The following SLIT3 variants were observed in gnomAD, a reference collection of about 807,000 sequenced individuals.
SLIT3 encodes the protein slit homolog 3 protein.
In SLIT3, 68 loss-of-function variants were observed where a neutral mutation model predicts 184.0. The observed-to-expected ratio is 0.37, with a 90% CI of 0.30 to 0.45. The LOEUF (loss-of-function observed/expected upper bound fraction) is 0.45, where lower values mean the gene tolerates loss of function less well. Among genes scored for constraint, SLIT3 ranks in the 20% least tolerant of loss-of-function variants. The pLI is 1.00. For missense variants in SLIT3, 1,707 were observed against 2,026.0 expected, an observed-to-expected ratio of 0.84 and a Z score of 3.02; for synonymous variants, 831 against 828.6, an observed-to-expected ratio of 1.00 and a Z score of -0.05.
chr5:169,129,826 T>TTTG (rs1554100668), intron 4 of SLIT3, among the ~76,000 whole-genome samples: 6 of 151,014 alleles, frequency 4.0e-5, no homozygotes, highest in African/African-American at 1.5e-4. Flanking sequence ...TGGTGGTTTT[T>TTTG]TTTGTTTGTT....
intron 4 of SLIT3, among the ~76,000 whole-genome samples, chr5:169,052,296 A>G (rs1215769074): frequency 6.6e-6 from 1 of 152,186 alleles, no homozygotes; most frequent in African/African-American, 2.4e-5. Context: ...ACATCTTCAT[A>G]TCTACAGGAC....
intron 20 of SLIT3, among the ~76,000 whole-genome samples, chr5:168,744,067 A>T (rs1763722168): frequency 6.6e-6 from 1 of 152,288 alleles, no homozygotes; most frequent in African/African-American, 2.4e-5. Context: ...GGGCGGGTGG[A>T]TCATAAGGTC....
At chr5:168,839,296 C>A (rs901416578) in intron 6 of SLIT3, among the ~76,000 whole-genome samples, 8 of 152,166 alleles carry the variant, frequency 5.3e-5, no homozygotes, top group Non-Finnish European at 1.2e-4. Context: ...CAGCACTGTG[C>A]TGGCCACACA....
At chr5:169,069,589 G>A (rs1452508773) in intron 4 of SLIT3, among the ~76,000 whole-genome samples, 1 of 152,150 alleles carries the variant, frequency 6.6e-6, no homozygotes, top group Non-Finnish European at 1.5e-5. Flanking sequence ...GGGAGCACTG[G>A]ACACTTAGCA....
chr5:169,025,325 C>T (rs1193633556), intron 4 of SLIT3, among the ~76,000 whole-genome samples: 3 of 152,180 alleles, frequency 2.0e-5, no homozygotes, highest in Admixed American at 1.3e-4. Context: ...GTTCCCAGCT[C>T]GTACCAGAAG....
intron 4 of SLIT3, among the ~76,000 whole-genome samples, chr5:169,163,088 C>G (rs571228253): frequency 5.3e-4 from 81 of 151,926 alleles, no homozygotes; most frequent in Admixed American, 1.2e-3. Flanking sequence ...TTTGGGAGGT[C>G]GAGGTGGGTG....
intron 27 of SLIT3, 132 bp downstream of exon 27, chr5:168,700,450 G>T: frequency 7.4e-6 from 5 of 677,006 alleles, no homozygotes; most frequent in South Asian, 7.2e-5. Flanking sequence ...TGATTGTGAG[G>T]CTTCCCAGCC....
At chr5:168,856,812 C>T (rs544121410) in intron 5 of SLIT3, among the ~76,000 whole-genome samples, 22 of 128,558 alleles carry the variant, frequency 1.7e-4, no homozygotes, top group South Asian at 1.3e-3. Context: ...TGTGTGCGCG[C>T]GCGCGCACGC....
intron 4 of SLIT3, among the ~76,000 whole-genome samples, chr5:169,037,087 C>T (rs1242107801): frequency 1.3e-5 from 2 of 152,076 alleles, no homozygotes; most frequent in Non-Finnish European, 2.9e-5. Flanking sequence ...CCTCTCTCTC[C>T]ACTCAGCCCC....
At chr5:168,700,325 T>C (rs1762177707) in intron 27 of SLIT3, among the ~76,000 whole-genome samples, 1 of 152,200 alleles carries the variant, frequency 6.6e-6, no homozygotes, top group Non-Finnish European at 1.5e-5. Flanking sequence ...ACTGTTCTCA[T>C]GGTAGTGAAT....
chr5:168,835,297 C>T (rs183323410), intron 6 of SLIT3, among the ~76,000 whole-genome samples: 106 of 152,310 alleles, frequency 7.0e-4, no homozygotes, highest in Middle Eastern at 3.4e-3. Flanking sequence ...TAAAATCCCA[C>T]ATCTGCTGTT....
intron 4 of SLIT3, among the ~76,000 whole-genome samples, chr5:169,008,649 C>T (rs62379467): frequency 0.039 from 5,934 of 152,152 alleles, 133 homozygotes; most frequent in Middle Eastern, 0.065. Context: ...GTTGCTGCTG[C>T]TGTTGTTGTT....
intron 6 of SLIT3, among the ~76,000 whole-genome samples, chr5:168,839,692 C>G (rs1347259305): frequency 6.6e-6 from 1 of 152,198 alleles, no homozygotes; most frequent in African/African-American, 2.4e-5. Context: ...CTGTCACAGA[C>G]AAACATTTGC....
At chr5:168,800,554 T>C (rs1443129772) in intron 9 of SLIT3, among the ~76,000 whole-genome samples, 4 of 152,084 alleles carry the variant, frequency 2.6e-5, no homozygotes, top group African/African-American at 9.7e-5. Context: ...ACCATTGCAC[T>C]CTAGCCTGGG....
intron 6 of SLIT3, among the ~76,000 whole-genome samples, chr5:168,832,708 G>C (rs1169056294): frequency 6.6e-6 from 1 of 152,150 alleles, no homozygotes; most frequent in Non-Finnish European, 1.5e-5. Flanking sequence ...TGCTGGAATG[G>C]GGGTGCAGCA....
At chr5:168,925,264 T>C (rs2113140654) in intron 4 of SLIT3, among the ~76,000 whole-genome samples, 1 of 152,272 alleles carries the variant, frequency 6.6e-6, no homozygotes, top group East Asian at 1.9e-4. Flanking sequence ...GGGAGTAACT[T>C]GCAGGAATAG....
At chr5:168,938,304 T>C (rs540369664) in intron 4 of SLIT3, among the ~76,000 whole-genome samples, 135 of 152,352 alleles carry the variant, frequency 8.9e-4, no homozygotes, top group African/African-American at 3.1e-3. Flanking sequence ...ATTTTAATGA[T>C]ATGGATAAAT....
In SLIT3 at chr5:168,906,974, C is replaced by A. The variant is rs2010901; in HGVS notation, c.414-23638G>T. On this transcript the variant is annotated intron_variant, in intron 4 of 35. Transcript: ENST00000519560. ...CTCCCAGGTTCAAGCGATTCTCCTG[C>A]CTCAGCCTCCCGAGTAGCTGGGACT... is the stretch of plus-strand genomic sequence containing the variant. Among the ~76,000 whole-genome samples, 831 of 152,184 alleles carry A rather than the reference C, an allele frequency of 5.5e-3. 29 individuals are homozygous for A. Among genetic ancestry groups the A allele is most frequent in the Admixed American group, 0.051 (778 of 15,276 alleles).
intron 5 of SLIT3, among the ~76,000 whole-genome samples, chr5:168,855,230 G>A (rs1758822560): frequency 6.6e-6 from 1 of 152,218 alleles, no homozygotes; most frequent in South Asian, 2.1e-4. Flanking sequence ...AGTGCTCGGT[G>A]AGGATGTGGA....
Sources: gnomAD v4.1 joint callset for allele counts (sites outside exome capture counted in the v4.1 genomes callset) on GRCh38, gnomAD v4.1.1 for gene constraint, MANE v1.5 for transcripts, NCBI Gene and HGNC (gene_info 2026-07-23, HGNC 2026-07-21) for gene names.